The following SEPHS1 variants were observed in gnomAD, a reference collection of about 807,000 sequenced individuals.
SEPHS1 encodes selenophosphate synthetase 1, also known as zincore component SEPHS1.
In SEPHS1, 7 loss-of-function variants were observed where a neutral mutation model predicts 39.2. The observed-to-expected ratio is 0.18, with a 90% confidence interval of 0.10 to 0.34. SEPHS1 has a LOEUF of 0.34. Among genes scored for constraint, SEPHS1 ranks in the 10% least tolerant of loss-of-function variants. The probability of loss-of-function intolerance (pLI) is 1.00; values close to 1 mark genes in which losing one functional copy is unlikely to be tolerated. For missense variants in SEPHS1, 253 were observed against 514.5 expected (o/e 0.49, Z 4.92); for synonymous variants, 190 against 195.5 (o/e 0.97, Z 0.23).
At chr10:13,342,537 G>T (rs1296818890) in intron 2 of SEPHS1, among the ~76,000 whole-genome samples, 1 of 152,060 alleles carries the variant, frequency 6.6e-6, no homozygotes, top group African/African-American at 2.4e-5. Context: ...AGTGAGCTGA[G>T]ATTGTGCCAC....
intron 1 of SEPHS1, among the ~76,000 whole-genome samples, chr10:13,345,808 C>T (rs1332313765): frequency 6.6e-6 from 1 of 152,134 alleles, no homozygotes; most frequent in Non-Finnish European, 1.5e-5. Context: ...ACCTGGGAGG[C>T]GGAGGTTGCA....
intron 2 of SEPHS1, among the ~76,000 whole-genome samples, chr10:13,344,550 A>G (rs1463379834): frequency 6.6e-6 from 1 of 152,188 alleles, no homozygotes; most frequent in Non-Finnish European, 1.5e-5. Flanking sequence ...GGTACGATGT[A>G]CACTATTTGG....
At chr10:13,336,222 A>G in intron 4 of SEPHS1, 21 bp downstream of exon 4, 1 of 1,513,142 alleles carries the variant, frequency 6.6e-7, no homozygotes, top group Non-Finnish European at 9.2e-7. Context: ...ACCAGGCAGC[A>G]GCCGGGTAGC....
chr10:13,319,018 AC>A lies in SEPHS1; in HGVS notation c.*123del, dbSNP rs944633522. The A allele has an allele frequency of 1.1e-6, 1 of 911,564 alleles. No individual in the cohort carries two copies. Among genetic ancestry groups the A allele is most frequent in the African/African-American group, 1.7e-5 (1 of 59,210 alleles). 56.5% of individuals were successfully genotyped at this position (911,564 alleles called of 1,614,324 possible). A position where few individuals can be genotyped will look rare whatever the true frequency, so the allele number is the denominator to read the frequency against. On this transcript the variant is annotated 3_prime_UTR_variant, in exon 9 of 9. Transcript: ENST00000327347. ...TTTTATTAATTGTATCCACTTACAA[AC>A]CGACCTAAGGTCACCCCGATGTGTA...
chr10:13,338,936 A>G (rs1229612833), intron 2 of SEPHS1, 128 bp from the exon 3 acceptor site: 2 of 713,046 alleles, frequency 2.8e-6, no homozygotes, highest in African/African-American at 3.5e-5. Context: ...CAATGAAGCC[A>G]TGTGTTTCCT....
chr10:13,346,784 A>T (rs1041016687), intron 1 of SEPHS1, among the ~76,000 whole-genome samples: 3 of 152,100 alleles, frequency 2.0e-5, no homozygotes, highest in Non-Finnish European at 4.4e-5. Flanking sequence ...CCTCCTATCT[A>T]TTCCTCTCCT....
chr10:13,344,951 G>A lies in SEPHS1; in HGVS notation c.-1C>T, dbSNP rs770232676. The A allele has an allele frequency of 1.6e-5, 24 of 1,548,064 alleles. No individual in the cohort carries two copies. The highest frequency in any genetic ancestry group is 2.1e-5 in the Non-Finnish European group (24 of 1,142,746). ...GGTTAAAGGACTCCCGCGTAGACAT[G>A]GTTCTTGGGCCCCGCTCTCCTCACA... On this transcript the variant is annotated 5_prime_UTR_variant, in exon 2 of 9. Transcript: ENST00000327347.
chr10:13,336,761 T>G lies in SEPHS1; in HGVS notation c.298-411A>C, dbSNP rs1172360809. 7.3e-5 allele frequency among the ~76,000 whole-genome samples: 11 copies of G among 151,602 alleles called. No homozygotes were observed. The Admixed American group carries it at 7.3e-4, about 10-fold the overall frequency. The stretch of plus-strand genomic sequence containing the variant: ...TGCAAACAACTCTCCTAAAGAAAAG[T>G]TGGAAACAGCCACATATCCCAAACA... On this transcript the variant is annotated intron_variant, in intron 3 of 8. Coordinates refer to ENST00000327347, the MANE Select transcript of SEPHS1 (RefSeq NM_012247.5).
chr10:13,345,785 G>C (rs1321598828), intron 1 of SEPHS1, among the ~76,000 whole-genome samples: 1 of 152,228 alleles, frequency 6.6e-6, no homozygotes, highest in African/African-American at 2.4e-5. Flanking sequence ...GCTGAGGCAA[G>C]AGAATCGCTT....
intron 4 of SEPHS1, 146 bp from the exon 5 acceptor site, chr10:13,334,117 G>A: frequency 2.8e-6 from 2 of 716,494 alleles, no homozygotes; most frequent in South Asian, 2.0e-5. Flanking sequence ...GTTGTTAGGG[G>A]CCAGGCATAA....
intron 8 of SEPHS1, chr10:13,321,991 G>A (rs1217440242): frequency 4.5e-6 from 2 of 448,224 alleles, no homozygotes; most frequent in African/African-American, 4.1e-5. Flanking sequence ...GCTGTCTGAT[G>A]GCTCTCTCTA....
chr10:13,331,359 A>T (rs542719628), intron 5 of SEPHS1, among the ~76,000 whole-genome samples: 1 of 151,780 alleles, frequency 6.6e-6, no homozygotes, highest in South Asian at 2.1e-4. Flanking sequence ...CAGTAATGGG[A>T]TTGCTGGGTC....
chr10:13,337,521 T>G (rs1025432244), intron 3 of SEPHS1, among the ~76,000 whole-genome samples: 3 of 152,242 alleles, frequency 2.0e-5, no homozygotes, highest in African/African-American at 7.2e-5. Context: ...ATTGCTTGCT[T>G]TAGGCTTTCT....
chr10:13,335,093 A>C (rs1173515491), intron 4 of SEPHS1, among the ~76,000 whole-genome samples: 1 of 152,256 alleles, frequency 6.6e-6, no homozygotes, highest in Admixed American at 6.5e-5. Flanking sequence ...AAGGCAGGGC[A>C]AACTGTTGGG....
intron 7 of SEPHS1, among the ~76,000 whole-genome samples, chr10:13,328,006 C>T (rs1001942899): frequency 2.0e-5 from 3 of 149,968 alleles, no homozygotes; most frequent in Non-Finnish European, 4.4e-5. Flanking sequence ...TTCTAGACTT[C>T]CAAGGTTATG....
At chr10:13,333,756 T>C in intron 5 of SEPHS1, 61 bp downstream of exon 5, 1 of 1,565,422 alleles carries the variant, frequency 6.4e-7, no homozygotes, top group South Asian at 1.1e-5. Flanking sequence ...CATCAATTTT[T>C]AAAAAGAGAG....
At chr10:13,319,441 C>CCAT in intron 8 of SEPHS1, 85 bp from the exon 9 acceptor site, 3 of 1,392,978 alleles carry the variant, frequency 2.2e-6, no homozygotes, top group Non-Finnish European at 3.0e-6. Context: ...GATCCAACTT[C>CCAT]CATCAACAAC....
chr10:13,333,117 T>C (rs1833518683), intron 5 of SEPHS1, among the ~76,000 whole-genome samples: 1 of 150,390 alleles, frequency 6.6e-6, no homozygotes, highest in Admixed American at 6.6e-5. Context: ...AGTACGCAAA[T>C]TATATCTTAA....
chr10:13,333,188 C>T (rs1833521010), intron 5 of SEPHS1, among the ~76,000 whole-genome samples: 1 of 150,926 alleles, frequency 6.6e-6, no homozygotes, highest in South Asian at 2.1e-4. Flanking sequence ...GGCTGGAGTG[C>T]AGTGGCGCGA....
Sources: allele counts gnomAD v4.1 joint callset (sites outside exome capture counted in the v4.1 genomes callset), GRCh38; gene constraint gnomAD v4.1.1; transcripts MANE v1.5; gene names NCBI Gene and HGNC (gene_info 2026-07-23, HGNC 2026-07-21).